Variants in RIMS2 observed in about 807,000 individuals in gnomAD.
RIMS2 encodes regulating synaptic membrane exocytosis 2, also known as regulating synaptic membrane exocytosis protein 2.
A neutral mutation model predicts 174.4 loss-of-function variants in RIMS2; 59 were observed. The ratio of observed to expected loss-of-function variants is 0.34; its 90% CI spans 0.27 to 0.42. The LOEUF is 0.42. Among genes scored for constraint, RIMS2 ranks in the 10% least tolerant of loss-of-function variants. The pLI is 1.00. For synonymous variants in RIMS2, 606 were observed against 572.5 expected (o/e 1.06, Z -0.84); for missense variants, 1,620 against 1,666.3 (o/e 0.97, Z 0.48).
chr8:104,209,752 A>G (rs925838561), intron 19 of RIMS2, among the ~76,000 whole-genome samples: 1 of 152,218 alleles, frequency 6.6e-6, no homozygotes, highest in African/African-American at 2.4e-5. Context: ...ATCTTGCAGA[A>G]GAGGAATTAA....
At chr8:103,898,001 A>G (rs2099299541) in intron 4 of RIMS2, among the ~76,000 whole-genome samples, 2 of 151,720 alleles carry the variant, frequency 1.3e-5, no homozygotes, top group Middle Eastern at 3.4e-3. Context: ...ATCCAAAGAG[A>G]TGACCTACCA....
At chr8:103,673,589 G>A (rs2096772669) in intron 1 of RIMS2, among the ~76,000 whole-genome samples, 1 of 152,236 alleles carries the variant, frequency 6.6e-6, no homozygotes, top group Non-Finnish European at 1.5e-5. Flanking sequence ...AGCTGTAGCT[G>A]TAGCTAGAGC....
At chr8:104,130,931 G>T (rs1317394397) in intron 19 of RIMS2, among the ~76,000 whole-genome samples, 4 of 152,052 alleles carry the variant, frequency 2.6e-5, no homozygotes, top group African/African-American at 9.7e-5. Context: ...TATTTCTAGA[G>T]CATTTAGTTT....
At position 104,053,547 on chromosome 8, in the gene RIMS2, G is replaced by T. The variant is rs1189523455; in HGVS notation, c.3334+38932G>T. 5.3e-5 allele frequency among the ~76,000 whole-genome samples: 8 copies of T among 152,226 alleles called. No individual in the cohort carries two copies. The East Asian group carries it at 1.5e-3, about 29-fold the overall frequency. On this transcript the variant is annotated intron_variant, in intron 19 of 23. Transcript: ENST00000504942. ...TCAGTGATCAAAACCAATTTTTATT[G>T]TGCATTTTCTCAATCAAATTTCTTA...
At chr8:103,569,759 A>C (rs534057578) in intron 1 of RIMS2, among the ~76,000 whole-genome samples, 1 of 151,880 alleles carries the variant, frequency 6.6e-6, no homozygotes, top group Middle Eastern at 3.4e-3. Context: ...TAGGACTACA[A>C]GCATGTGCTA....
chr8:104,138,148 T>G (rs2098536949), intron 19 of RIMS2, among the ~76,000 whole-genome samples: 1 of 152,214 alleles, frequency 6.6e-6, no homozygotes, highest in Non-Finnish European at 1.5e-5. Context: ...GGCTGAATAG[T>G]ACTCCATTGT....
chr8:103,815,319 T>G (rs2098712113), intron 3 of RIMS2, among the ~76,000 whole-genome samples: 1 of 152,176 alleles, frequency 6.6e-6, no homozygotes, highest in Admixed American at 6.5e-5. Flanking sequence ...ATACATTATC[T>G]TATTATTTTT....
intron 1 of RIMS2, among the ~76,000 whole-genome samples, chr8:103,542,662 G>A (rs1477132895): frequency 5.3e-5 from 8 of 152,024 alleles, no homozygotes; most frequent in Non-Finnish European, 1.2e-4. Flanking sequence ...CATATTAAAT[G>A]GACCATCCAC....
At chr8:103,721,704 TA>T (rs1419889948) in intron 2 of RIMS2, among the ~76,000 whole-genome samples, 19 of 152,250 alleles carry the variant, frequency 1.2e-4, no homozygotes, top group African/African-American at 4.3e-4. Context: ...CAATCATGAA[TA>T]CCATTCCATC....
chr8:103,847,376 T>G (rs1011380767), intron 3 of RIMS2, among the ~76,000 whole-genome samples: 2 of 152,110 alleles, frequency 1.3e-5, no homozygotes, highest in Non-Finnish European at 2.9e-5. Context: ...AAGCACAGTC[T>G]TAGCTACATG....
chr8:103,560,310 G>A (rs567515426), intron 1 of RIMS2, among the ~76,000 whole-genome samples: 162 of 152,242 alleles, frequency 1.1e-3, no homozygotes, highest in African/African-American at 3.5e-3. Context: ...CTGGGAGGTG[G>A]AGGTTGCAGT....
chr8:103,975,388 T>C (rs371994550), exon 16 of RIMS2: 410 of 1,613,022 alleles, frequency 2.5e-4, no homozygotes, highest in Non-Finnish European at 3.3e-4. Flanking sequence ...AAGCTCAACA[T>C]TATCAGTGCC....
chr8:104,255,141 C>T (rs2099366126), downstream of RIMS2: 2 of 152,112 alleles, frequency 1.3e-5, no homozygotes, highest in Non-Finnish European at 2.9e-5. Context: ...ACCATTTCCT[C>T]CATTTCCAAA....
chr8:104,153,804 A>G (rs552111236), intron 19 of RIMS2, among the ~76,000 whole-genome samples: 140 of 152,350 alleles, frequency 9.2e-4, no homozygotes, highest in African/African-American at 3.1e-3. Context: ...GGAAAAACAA[A>G]AAAAGGATAT....
At chr8:104,061,591 T>C (rs925227370) in intron 19 of RIMS2, among the ~76,000 whole-genome samples, 9 of 150,126 alleles carry the variant, frequency 6.0e-5, no homozygotes, top group Admixed American at 2.0e-4. Context: ...TCTTTTTTGT[T>C]CTCTGTCTTA....
intron 2 of RIMS2, among the ~76,000 whole-genome samples, chr8:103,736,965 G>A (rs988989715): frequency 1.3e-5 from 2 of 152,012 alleles, no homozygotes; most frequent in African/African-American, 4.8e-5. Context: ...CCAAGAGTGA[G>A]AGAATAGAAG....
intron 19 of RIMS2, among the ~76,000 whole-genome samples, chr8:104,071,630 G>A (rs755481922): frequency 6.6e-6 from 1 of 152,124 alleles, no homozygotes; most frequent in Non-Finnish European, 1.5e-5. Flanking sequence ...TAGAGACGGG[G>A]TTTCACCGTG....
intron 19 of RIMS2, among the ~76,000 whole-genome samples, chr8:104,026,791 A>C (rs185186045): frequency 6.6e-6 from 1 of 152,286 alleles, no homozygotes; most frequent in Admixed American, 6.5e-5. Flanking sequence ...AGGATACAAC[A>C]GTGATGAAGG....
At chr8:103,946,407 G>A (rs1224819585) in intron 14 of RIMS2, among the ~76,000 whole-genome samples, 11 of 152,170 alleles carry the variant, frequency 7.2e-5, no homozygotes, top group South Asian at 2.1e-4. Context: ...CAGGATAATC[G>A]CTTGAACTTG....
Sources: gnomAD v4.1 joint callset for allele counts (sites outside exome capture counted in the v4.1 genomes callset) on GRCh38, gnomAD v4.1.1 for gene constraint, MANE v1.5 for transcripts, NCBI Gene and HGNC (gene_info 2026-07-23, HGNC 2026-07-21) for gene names.